Variants in NRG1 observed in about 807,000 individuals in gnomAD.
NRG1 encodes the protein neuregulin 1.
A neutral mutation model predicts 63.8 loss-of-function variants in NRG1; 18 were observed. The observed-to-expected ratio is 0.28, with a 90% CI of 0.19 to 0.42. NRG1 has a LOEUF of 0.42. Among genes scored for constraint, NRG1 ranks in the 10% least tolerant of loss-of-function variants. The pLI is 1.00. For synonymous variants in NRG1, 302 were observed against 301.3 expected, an observed-to-expected ratio of 1.00 and a Z score of -0.02; for missense variants, 762 against 814.7, an observed-to-expected ratio of 0.94 and a Z score of 0.79.
chr8:31,919,626 A>G (rs1038837325), intron 1 of NRG1, among the ~76,000 whole-genome samples: 8 of 152,142 alleles, frequency 5.3e-5, no homozygotes, highest in African/African-American at 1.9e-4. Context: ...CAGATAACAC[A>G]GGGATGACTG....
intron 1 of NRG1, among the ~76,000 whole-genome samples, chr8:32,493,401 CA>C (rs1158506405): frequency 6.6e-6 from 1 of 152,102 alleles, no homozygotes; most frequent in African/African-American, 2.4e-5. Context: ...GATGACCCGC[CA>C]AAAACGACTA....
chr8:32,168,824 T>C (rs1372307827), intron 1 of NRG1, among the ~76,000 whole-genome samples: 4 of 152,162 alleles, frequency 2.6e-5, no homozygotes, highest in African/African-American at 9.7e-5. Context: ...TCTATGTCTG[T>C]CTTGTATCAT....
At chr8:32,338,921 A>G (rs986959261) in intron 1 of NRG1, among the ~76,000 whole-genome samples, 5 of 152,124 alleles carry the variant, frequency 3.3e-5, no homozygotes, top group Non-Finnish European at 7.4e-5. Flanking sequence ...GGGGAACTCA[A>G]TCCCATCAAA....
intron 1 of NRG1, among the ~76,000 whole-genome samples, chr8:31,761,811 A>C (rs1035873855): frequency 6.6e-6 from 1 of 152,312 alleles, no homozygotes; most frequent in East Asian, 1.9e-4. Flanking sequence ...TGACACGGAG[A>C]GATGAAGGAA....
intron 5 of NRG1, among the ~76,000 whole-genome samples, chr8:32,655,847 A>G (rs1801367549): frequency 6.6e-6 from 1 of 152,164 alleles, no homozygotes; most frequent in African/African-American, 2.4e-5. Context: ...TTTGTCAAGT[A>G]AGTACTGTTT....
At chr8:32,046,446 G>T (rs944113141) in intron 1 of NRG1, among the ~76,000 whole-genome samples, 3 of 152,016 alleles carry the variant, frequency 2.0e-5, no homozygotes, top group African/African-American at 7.2e-5. Flanking sequence ...CCATTCCTTA[G>T]TATTTATGCT....
intron 1 of NRG1, among the ~76,000 whole-genome samples, chr8:32,001,493 C>A (rs1812923049): frequency 6.6e-6 from 1 of 151,904 alleles, no homozygotes; most frequent in East Asian, 1.9e-4. Flanking sequence ...TTAGGTAAGT[C>A]TTTAATGGCA....
At position 32,702,305 on chromosome 8, in the gene NRG1, G is replaced by C. The variant is rs150586161; in HGVS notation, c.503-25644G>C. Among the ~76,000 whole-genome samples, 171 of 152,270 alleles carry C rather than the reference G, an allele frequency of 1.1e-3. 1 individual carries two copies. The highest frequency in any genetic ancestry group is 2.3e-3 in the Admixed American group (35 of 15,298). ...GGAAAAATGTGTTTTCTTCTAAAAG[G>C]CTATGTGTGGGACGTGTGTCAGTGT... On this transcript the variant is annotated intron_variant, in intron 5 of 11. Coordinates refer to ENST00000356819, the Ensembl canonical transcript of NRG1.
intron 1 of NRG1, among the ~76,000 whole-genome samples, chr8:31,678,854 T>G (rs1435023528): frequency 6.6e-6 from 1 of 150,636 alleles, no homozygotes; most frequent in African/African-American, 2.4e-5. Context: ...TAAATATTGA[T>G]AAGGATATTA....
chr8:32,085,963 A>G (rs1828157719), intron 1 of NRG1, among the ~76,000 whole-genome samples: 1 of 152,212 alleles, frequency 6.6e-6, no homozygotes, highest in Admixed American at 6.5e-5. Flanking sequence ...GCCAGTTCTT[A>G]GTCATTCCAT....
At chr8:31,668,049 A>T (rs964120849) in intron 1 of NRG1, among the ~76,000 whole-genome samples, 4 of 152,238 alleles carry the variant, frequency 2.6e-5, no homozygotes, top group Non-Finnish European at 4.4e-5. Flanking sequence ...AGAGGATCAC[A>T]TTTCAAGGTC....
At chr8:32,236,490 G>T (rs966303097) in intron 1 of NRG1, among the ~76,000 whole-genome samples, 1 of 152,126 alleles carries the variant, frequency 6.6e-6, no homozygotes, top group Non-Finnish European at 1.5e-5. Flanking sequence ...GACTGATGCA[G>T]ATGAGAGCAC....
chr8:32,707,489 A>T lies in NRG1; in HGVS notation c.503-20460A>T, dbSNP rs74883919. 2.0e-3 allele frequency among the ~76,000 whole-genome samples: 299 copies of T among 152,246 alleles called. 3 individuals carry two copies. The East Asian group carries it at 0.021, about 11-fold the overall frequency. ...AGTCAGAGATTGTTTCAAATTTAATATGAAATAAACTGTTACCTTTAACTA... is the reference window on the plus strand; with the variant it reads ...AGTCAGAGATTGTTTCAAATTTAATTTGAAATAAACTGTTACCTTTAACTA... On this transcript the variant is annotated intron_variant, in intron 5 of 11. Coordinates refer to ENST00000356819, the Ensembl canonical transcript of NRG1.
At chr8:32,557,706 G>A (rs1360873804) in intron 1 of NRG1, among the ~76,000 whole-genome samples, 1 of 151,914 alleles carries the variant, frequency 6.6e-6, no homozygotes, top group Non-Finnish European at 1.5e-5. Flanking sequence ...CCTTCCCGGG[G>A]GATTGCTCAT....
intron 1 of NRG1, among the ~76,000 whole-genome samples, chr8:32,078,650 TA>T (rs1299250698): frequency 6.6e-6 from 1 of 152,234 alleles, no homozygotes; most frequent in Non-Finnish European, 1.5e-5. Flanking sequence ...ACTTTAGTTT[TA>T]TGAATGGGTG....
intron 1 of NRG1, among the ~76,000 whole-genome samples, chr8:31,895,632 A>G (rs186625419): frequency 1.3e-5 from 2 of 152,258 alleles, no homozygotes; most frequent in African/African-American, 2.4e-5. Context: ...TTTTGTCCCT[A>G]GTTCTGCCTG....
At chr8:31,785,882 T>A (rs796156157) in intron 1 of NRG1, among the ~76,000 whole-genome samples, 2 of 152,204 alleles carry the variant, frequency 1.3e-5, no homozygotes, top group African/African-American at 4.8e-5. Context: ...CCTGCTTAGC[T>A]GGGACCTGGT....
intron 5 of NRG1, among the ~76,000 whole-genome samples, chr8:32,698,523 T>C (rs1352052441): frequency 6.6e-6 from 1 of 152,210 alleles, no homozygotes; most frequent in Non-Finnish European, 1.5e-5. Context: ...CATACCTGTC[T>C]TTATTGCAGT....
chr8:32,670,931 TA>T (rs1805481342), intron 5 of NRG1, among the ~76,000 whole-genome samples: 1 of 152,182 alleles, frequency 6.6e-6, no homozygotes, highest in South Asian at 2.1e-4. Context: ...ATTTGTCAGT[TA>T]AAAATAATAT....
Sources: gnomAD v4.1 joint callset for allele counts (sites outside exome capture counted in the v4.1 genomes callset) on GRCh38, gnomAD v4.1.1 for gene constraint, MANE v1.5 for transcripts, NCBI Gene and HGNC (gene_info 2026-07-23, HGNC 2026-07-21) for gene names.